The following TMC1 variants were observed in gnomAD, a reference collection of about 807,000 sequenced individuals.
TMC1 encodes transmembrane channel-like protein 1.
A neutral mutation model predicts 105.8 loss-of-function variants in TMC1; 84 were observed. The ratio of observed to expected loss-of-function variants is 0.79; its 90% confidence interval spans 0.67 to 0.95. TMC1 has a LOEUF of 0.95. Among genes scored for constraint, TMC1 ranks in the 40% least tolerant of loss-of-function variants. The pLI is 0.00. For synonymous variants in TMC1, 315 were observed against 311.5 expected, an observed-to-expected ratio of 1.01 and a Z score of -0.12; for missense variants, 817 against 914.1, an observed-to-expected ratio of 0.89 and a Z score of 1.37.
At chr9:72,625,460 A>G (rs1486552411) in intron 3 of TMC1, among the ~76,000 whole-genome samples, 5 of 152,036 alleles carry the variant, frequency 3.3e-5, no homozygotes, top group African/African-American at 1.2e-4. Context: ...AGGCCGAGGC[A>G]GGTGGATCAC....
intron 8 of TMC1, among the ~76,000 whole-genome samples, chr9:72,728,643 A>G (rs958615945): frequency 1.3e-5 from 2 of 152,088 alleles, no homozygotes; most frequent in African/African-American, 4.8e-5. Context: ...ATCTTAGCAG[A>G]TAATAGTACA....
Position 72,792,241 on chromosome 9 carries a change from T to C in TMC1, c.1455T>C (p.Asn485=), listed in dbSNP as rs1564557522. The change falls in exon 17 of 24, where the codon AAT becomes AAC. Residue 485 remains asparagine (N), a synonymous_variant. Transcript: ENST00000297784. ...CCAATATTACCCTTTGGGAAGCCAA[T>C]ATGATCAAGGCCTACAATGCATCAT... The part of the protein sequence containing the change: ...VKANITLWEA[N]MIKAYNASFS... 6.2e-7 allele frequency: 1 copy of C among 1,614,160 alleles called. No individual in the cohort carries two copies. Among genetic ancestry groups the C allele is most frequent in the South Asian group, 1.1e-5 (1 of 91,090 alleles).
At chr9:72,810,396 C>T (rs1164218077) in intron 18 of TMC1, among the ~76,000 whole-genome samples, 1 of 151,998 alleles carries the variant, frequency 6.6e-6, no homozygotes, top group Non-Finnish European at 1.5e-5. Context: ...TGATTTTTTT[C>T]TTCTGAATTC....
intron 8 of TMC1, among the ~76,000 whole-genome samples, chr9:72,725,358 T>TATAC (rs1191461323): frequency 1.2e-5 from 1 of 81,554 alleles, no homozygotes; most frequent in African/African-American, 5.4e-5. Flanking sequence ...TATATATATA[T>TATAC]ATATATATAT....
At chr9:72,665,253 T>C (rs1414507738) in intron 5 of TMC1, among the ~76,000 whole-genome samples, 1 of 152,210 alleles carries the variant, frequency 6.6e-6, no homozygotes. Flanking sequence ...ACTTGAATAA[T>C]GAGTGGTGTG....
At chr9:72,522,753 A>C (rs1823335487) in intron 1 of TMC1, among the ~76,000 whole-genome samples, 1 of 152,206 alleles carries the variant, frequency 6.6e-6, no homozygotes, top group African/African-American at 2.4e-5. Context: ...AACTGTTTGG[A>C]TTCCTTCCTA....
Position 72,617,287 on chromosome 9 carries a change from G to A in TMC1, c.-196+810G>A, listed in dbSNP as rs370685622. 1.0e-3 allele frequency among the ~76,000 whole-genome samples: 153 copies of A among 152,126 alleles called. 6 individuals are homozygous for A. In the South Asian group the frequency reaches 0.03, roughly 30 times the overall value. On this transcript the variant is annotated intron_variant, in intron 3 of 23. Coordinates refer to ENST00000297784, the MANE Select transcript of TMC1 (RefSeq NM_138691.3). ...AATGATTCTCCTGCTTCAGCCTCCT[G>A]AGTAGCTTGGATTACAGGTGCCAGC...
Position 72,641,477 on chromosome 9 carries a change from A to G in TMC1, c.-52-7120A>G, listed in dbSNP as rs1189409502. On this transcript the variant is annotated intron_variant, in intron 4 of 23. Transcript: ENST00000297784. Reference sequence around the variant, plus strand: ...ACTGTCCTCCAGTAGAAAAAGCTCAATAATGGGTCTACAAACTCCTGGATT... The same window carrying G: ...ACTGTCCTCCAGTAGAAAAAGCTCAGTAATGGGTCTACAAACTCCTGGATT... Among the ~76,000 whole-genome samples the G allele has an allele frequency of 5.6e-4, 86 of 152,238 alleles. 3 individuals are homozygous for G. Among genetic ancestry groups the G allele is most frequent in the Admixed American group, 5.6e-3 (86 of 15,286 alleles).
chr9:72,736,068 C>T (rs975451416), intron 8 of TMC1, among the ~76,000 whole-genome samples: 5 of 151,930 alleles, frequency 3.3e-5, no homozygotes, highest in African/African-American at 1.2e-4. Flanking sequence ...GAAATTCATA[C>T]CTGAGATTAT....
chr9:72,681,818 A>G (rs1266428961), intron 5 of TMC1, among the ~76,000 whole-genome samples: 1 of 152,082 alleles, frequency 6.6e-6, no homozygotes, highest in Non-Finnish European at 1.5e-5. Flanking sequence ...TCTCTCTGTG[A>G]CCTCAGAGTA....
At chr9:72,702,107 A>T (rs948832416) in intron 8 of TMC1, among the ~76,000 whole-genome samples, 4 of 152,190 alleles carry the variant, frequency 2.6e-5, no homozygotes, top group Admixed American at 2.0e-4. Context: ...TGGCAACCCT[A>T]TGTGGGCCTC....
At chr9:72,630,900 ACT>A (rs1825438390) in intron 4 of TMC1, among the ~76,000 whole-genome samples, 1 of 145,424 alleles carries the variant, frequency 6.9e-6, no homozygotes, top group African/African-American at 2.6e-5. Flanking sequence ...GCAGAGTCTC[ACT>A]CTGTCACCCA....
At chr9:72,644,140 T>G (rs1402898642) in intron 4 of TMC1, among the ~76,000 whole-genome samples, 2 of 152,194 alleles carry the variant, frequency 1.3e-5, no homozygotes, top group Non-Finnish European at 2.9e-5. Context: ...ATTAGTAACT[T>G]TGGAGAGTGC....
At chr9:72,754,518 A>G (rs1827641091) in intron 11 of TMC1, among the ~76,000 whole-genome samples, 1 of 152,100 alleles carries the variant, frequency 6.6e-6, no homozygotes, top group South Asian at 2.1e-4. Flanking sequence ...GGTGGTGGCA[A>G]TGGGGTCCTC....
intron 8 of TMC1, among the ~76,000 whole-genome samples, chr9:72,709,417 G>A (rs1663754): frequency 0.23 from 34,655 of 151,936 alleles, 4,277 homozygotes; most frequent in East Asian, 0.38. Flanking sequence ...CTTTCTTGTG[G>A]AATAGTGTCA....
intron 4 of TMC1, among the ~76,000 whole-genome samples, chr9:72,638,338 T>C (rs528794464): frequency 6.6e-6 from 1 of 152,308 alleles, no homozygotes; most frequent in South Asian, 2.1e-4. Flanking sequence ...GGAGTCATTT[T>C]TGAAACTTCC....
At chr9:72,590,010 C>A (rs1824610869) in intron 2 of TMC1, among the ~76,000 whole-genome samples, 1 of 152,178 alleles carries the variant, frequency 6.6e-6, no homozygotes, top group African/African-American at 2.4e-5. Context: ...GCTATGCTGA[C>A]TTATCTTGTG....
chr9:72,667,125 G>A lies in TMC1; in HGVS notation c.16+18461G>A, dbSNP rs536404853. Reference sequence around the variant, plus strand: ...ACAACCAAAAACCAAAAAAAGTAATGTCAGATGGTGACTGTTTTGAGGAAA... The same window carrying A: ...ACAACCAAAAACCAAAAAAAGTAATATCAGATGGTGACTGTTTTGAGGAAA... On this transcript the variant is annotated intron_variant, in intron 5 of 23. Transcript: ENST00000297784. Among the ~76,000 whole-genome samples, 16 of 152,154 alleles carry A rather than the reference G, an allele frequency of 1.1e-4. No individual in the cohort carries two copies. In the South Asian group the frequency reaches 3.3e-3, roughly 32 times the overall value.
chr9:72,581,573 T>G (rs7869008), intron 2 of TMC1, among the ~76,000 whole-genome samples: 2 of 152,068 alleles, frequency 1.3e-5, no homozygotes, highest in Non-Finnish European at 2.9e-5. Context: ...ATTACAGTTT[T>G]GCTACACAGT....
Sources: gnomAD v4.1 joint callset for allele counts (sites outside exome capture counted in the v4.1 genomes callset) on GRCh38, gnomAD v4.1.1 for gene constraint, MANE v1.5 for transcripts, NCBI Gene and HGNC (gene_info 2026-07-23, HGNC 2026-07-21) for gene names.